Variants in ANKS1B observed in about 807,000 individuals in gnomAD.
The protein encoded by ANKS1B is ankyrin repeat and sterile alpha motif domain-containing protein 1B.
Under a neutral mutation model 148.3 loss-of-function variants are expected in ANKS1B, and 36 were observed. The observed-to-expected ratio is 0.24, with a 90% CI of 0.19 to 0.32. The LOEUF (loss-of-function observed/expected upper bound fraction) is 0.32, where lower values mean the gene tolerates loss of function less well. ANKS1B is among the 10% of genes least tolerant of loss of function. ANKS1B has a pLI of 1.00. For missense variants in ANKS1B, 1,157 were observed against 1,542.6 expected, an observed-to-expected ratio of 0.75 and a Z score of 4.19; for synonymous variants, 542 against 560.8, an observed-to-expected ratio of 0.97 and a Z score of 0.47.
intron 1 of ANKS1B, among the ~76,000 whole-genome samples, chr12:99,840,262 AG>A (rs1358291941): frequency 6.6e-6 from 1 of 152,276 alleles, no homozygotes; most frequent in African/African-American, 2.4e-5. Flanking sequence ...CTTAATGCTG[AG>A]GAACAGCCAG....
chr12:99,070,734 A>G (rs2045993742), intron 16 of ANKS1B, among the ~76,000 whole-genome samples: 2 of 152,286 alleles, frequency 1.3e-5, no homozygotes, highest in South Asian at 4.1e-4. Flanking sequence ...ACTGGAGTGC[A>G]GTGGTGGGAT....
chr12:99,118,060 T>C (rs2061830379), intron 15 of ANKS1B, among the ~76,000 whole-genome samples: 1 of 152,232 alleles, frequency 6.6e-6, no homozygotes, highest in Non-Finnish European at 1.5e-5. Context: ...TTATCATTTA[T>C]TTAAATACAA....
intron 16 of ANKS1B, among the ~76,000 whole-genome samples, chr12:99,064,564 A>T (rs1025070543): frequency 3.3e-5 from 5 of 152,198 alleles, no homozygotes; most frequent in African/African-American, 1.2e-4. Context: ...CATCCTTGGG[A>T]AAAAAGGTCA....
chr12:99,416,924 G>C (rs1594379895), intron 11 of ANKS1B, among the ~76,000 whole-genome samples: 1 of 152,132 alleles, frequency 6.6e-6, no homozygotes, highest in African/African-American at 2.4e-5. Context: ...GGTGGGGAGG[G>C]AGACAGTGCA....
chr12:99,211,135 T>C (rs1404602591), intron 14 of ANKS1B, among the ~76,000 whole-genome samples: 1 of 152,218 alleles, frequency 6.6e-6, no homozygotes, highest in African/African-American at 2.4e-5. Context: ...TGGTGGTAAC[T>C]TAGGGCTAAT....
At chr12:99,456,799 T>G (rs757040677) in intron 10 of ANKS1B, among the ~76,000 whole-genome samples, 1 of 152,132 alleles carries the variant, frequency 6.6e-6, no homozygotes, top group South Asian at 2.1e-4. Flanking sequence ...CTAAAACTAA[T>G]TGATGTTCCC....
chr12:99,267,258 A>C (rs1180983935), intron 12 of ANKS1B, among the ~76,000 whole-genome samples: 2 of 152,136 alleles, frequency 1.3e-5, no homozygotes, highest in Non-Finnish European at 2.9e-5. Flanking sequence ...CATACAATGC[A>C]CCTTTCCAGA....
rs546496875 is a variant in ANKS1B at position 99,212,697 on chromosome 12, C to G, written c.2419+31645G>C. On this transcript the variant is annotated intron_variant, in intron 14 of 26. Transcript: ENST00000683438. ...ATACTAACTTATCATTTTTGAGGGTCAAAGACAATTTCCAGGTTTCAAGAA... is the reference window on the plus strand; with the variant it reads ...ATACTAACTTATCATTTTTGAGGGTGAAAGACAATTTCCAGGTTTCAAGAA... 3.9e-5 allele frequency among the ~76,000 whole-genome samples: 6 copies of G among 152,264 alleles called. No individual in the cohort carries two copies. The South Asian group carries it at 1.2e-3, about 32-fold the overall frequency.
chr12:99,864,441 G>A (rs1219017363), intron 1 of ANKS1B, among the ~76,000 whole-genome samples: 8 of 152,046 alleles, frequency 5.3e-5, no homozygotes, highest in Admixed American at 6.5e-5. Context: ...TTGAACCACT[G>A]GACTACATAT....
At chr12:99,721,623 C>G (rs2153555451) in intron 8 of ANKS1B, among the ~76,000 whole-genome samples, 1 of 152,322 alleles carries the variant, frequency 6.6e-6, no homozygotes, top group Non-Finnish European at 1.5e-5. Context: ...GGCCCCACCC[C>G]TATCTCCCTT....
chr12:99,779,743 C>T (rs1476138608), intron 6 of ANKS1B, 128 bp downstream of exon 6: 2 of 662,388 alleles, frequency 3.0e-6, no homozygotes, highest in Non-Finnish European at 2.6e-6. Flanking sequence ...AAAAGTCTAC[C>T]AGAAAAAAAT....
chr12:98,947,687 A>C (rs1200533053), intron 17 of ANKS1B, among the ~76,000 whole-genome samples: 2 of 152,174 alleles, frequency 1.3e-5, no homozygotes, highest in Non-Finnish European at 2.9e-5. Flanking sequence ...TTTTAAGAAT[A>C]AAGTTATTTT....
intron 9 of ANKS1B, among the ~76,000 whole-genome samples, chr12:99,528,689 A>T (rs2096956097): frequency 6.6e-6 from 1 of 152,204 alleles, no homozygotes; most frequent in African/African-American, 2.4e-5. Flanking sequence ...GTGATCAATC[A>T]ATGTAGCCAT....
At chr12:98,920,562 C>T (rs1220459199) in intron 17 of ANKS1B, among the ~76,000 whole-genome samples, 1 of 152,188 alleles carries the variant, frequency 6.6e-6, no homozygotes, top group Non-Finnish European at 1.5e-5. Flanking sequence ...GCCATCAGAT[C>T]TTGTGACATT....
intron 8 of ANKS1B, among the ~76,000 whole-genome samples, chr12:99,752,870 C>A (rs1359472409): frequency 6.6e-6 from 1 of 151,894 alleles, no homozygotes; most frequent in Non-Finnish European, 1.5e-5. Flanking sequence ...ATTTCATTGC[C>A]ATTAAATACA....
intron 1 of ANKS1B, among the ~76,000 whole-genome samples, chr12:99,938,053 G>C (rs901129807): frequency 2.6e-5 from 4 of 152,106 alleles, no homozygotes; most frequent in African/African-American, 9.7e-5. Flanking sequence ...GTATGGGCAG[G>C]ACCTGTGGCT....
intron 8 of ANKS1B, among the ~76,000 whole-genome samples, chr12:99,745,136 C>A (rs1427694073): frequency 6.6e-6 from 1 of 151,508 alleles, no homozygotes; most frequent in African/African-American, 2.4e-5. Flanking sequence ...TTTTAAAAAC[C>A]TTCAAAGTAT....
At chr12:99,210,168 AAGAG>A (rs2083162812) in intron 14 of ANKS1B, among the ~76,000 whole-genome samples, 1 of 152,064 alleles carries the variant, frequency 6.6e-6, no homozygotes, top group Non-Finnish European at 1.5e-5. Context: ...CCAAATCTGT[AAGAG>A]AGAATGTTCC....
chr12:99,526,907 C>T (rs1438281379), intron 9 of ANKS1B, among the ~76,000 whole-genome samples: 1 of 152,132 alleles, frequency 6.6e-6, no homozygotes, highest in Non-Finnish European at 1.5e-5. Context: ...TTAGGGTGGA[C>T]CCCAATCCAA....
Sources: gnomAD v4.1 joint callset for allele counts (sites outside exome capture counted in the v4.1 genomes callset) on GRCh38, gnomAD v4.1.1 for gene constraint, MANE v1.5 for transcripts, NCBI Gene and HGNC (gene_info 2026-07-23, HGNC 2026-07-21) for gene names.